Variants in NETO1 observed in about 807,000 individuals in gnomAD.
NETO1 encodes the protein neuropilin and tolloid like 1.
NETO1 carries 26 observed loss-of-function variants against 61.3 expected under a neutral mutation model. The observed-to-expected ratio is 0.42, with a 90% CI of 0.31 to 0.59. The LOEUF is 0.59. Ranked by LOEUF, NETO1 falls within the 20% of genes least tolerant of loss-of-function variation. NETO1 has a pLI of 0.12. For missense variants in NETO1, 531 were observed against 662.8 expected, an observed-to-expected ratio of 0.80 and a Z score of 2.18; for synonymous variants, 225 against 225.8, an observed-to-expected ratio of 1.00 and a Z score of 0.03.
chr18:72,805,443 C>T lies in NETO1; in HGVS notation c.470-11039G>A, dbSNP rs190780918. ...TCTTATTTTCATTTAGTTAGATCCA[C>T]GAAAATAGCTAATACCATTGCAATA... On this transcript the variant is annotated intron_variant, in intron 4 of 10. Coordinates refer to ENST00000327305, the MANE Select transcript of NETO1 (RefSeq NM_138966.5). 4.6e-5 allele frequency among the ~76,000 whole-genome samples: 7 copies of T among 152,170 alleles called. No individual in the cohort carries two copies. In the East Asian group the frequency reaches 1.3e-3, roughly 29 times the overall value.
chr18:72,851,776 T>C (rs2074258337), intron 4 of NETO1, among the ~76,000 whole-genome samples: 1 of 152,200 alleles, frequency 6.6e-6, no homozygotes, highest in African/African-American at 2.4e-5. Context: ...TATAGTATTA[T>C]CCCTTAATTA....
At chr18:72,772,793 T>TCTCTCTC (rs1391807702) in intron 7 of NETO1, among the ~76,000 whole-genome samples, 667 of 58,696 alleles carry the variant, frequency 0.011, 103 homozygotes, top group East Asian at 0.02. Flanking sequence ...CTCTATATAG[T>TCTCTCTC]TCTCTCTCTC....
rs927186810 is a variant in NETO1 at position 72,834,778 on chromosome 18, G to A, written c.469+24048C>T. On this transcript the variant is annotated intron_variant, in intron 4 of 10. Coordinates refer to ENST00000327305, the MANE Select transcript of NETO1 (RefSeq NM_138966.5). Reference sequence around the variant, plus strand: ...AAATACATGTTAATTCCCAGTCCATGGCGATAAGAAACTAAAGCAAAACTC... The same window carrying A: ...AAATACATGTTAATTCCCAGTCCATAGCGATAAGAAACTAAAGCAAAACTC... 39 of 984,646 alleles carry A rather than the reference G, an allele frequency of 4.0e-5. No homozygotes were observed. The African/African-American group carries it at 5.6e-4, about 14-fold the overall frequency. The allele number at this position is 984,646 out of a possible 1,614,324, so 61.0% of individuals were successfully genotyped here.
At chr18:72,788,541 G>A (rs761870722) in intron 6 of NETO1, among the ~76,000 whole-genome samples, 3 of 151,774 alleles carry the variant, frequency 2.0e-5, no homozygotes, top group Non-Finnish European at 4.4e-5. Context: ...ACTACAGAAA[G>A]CTCTTTAGTC....
intron 8 of NETO1, among the ~76,000 whole-genome samples, chr18:72,755,037 G>GA (rs2070741334): frequency 6.6e-6 from 1 of 152,018 alleles, no homozygotes; most frequent in Non-Finnish European, 1.5e-5. Flanking sequence ...TTTTCTTTCT[G>GA]AAAAAAATAA....
At chr18:72,769,694 T>C (rs1467364928) in intron 7 of NETO1, among the ~76,000 whole-genome samples, 2 of 152,184 alleles carry the variant, frequency 1.3e-5, no homozygotes, top group East Asian at 3.8e-4. Context: ...ATAGATGACA[T>C]GTATTAAATG....
chr18:72,854,956 C>T (rs1417600118), intron 4 of NETO1, among the ~76,000 whole-genome samples: 1 of 152,070 alleles, frequency 6.6e-6, no homozygotes, highest in African/African-American at 2.4e-5. Context: ...TTTTAAATTG[C>T]TTTTATCACA....
At chr18:72,858,801 A>AT (rs545653234) in intron 4 of NETO1, 25 bp downstream of exon 4, 1,000 of 1,492,994 alleles carry the variant, frequency 6.7e-4, no homozygotes, top group South Asian at 9.1e-4. Context: ...AGAAAAAGAA[A>AT]TTTTTTTTTT....
intron 4 of NETO1, among the ~76,000 whole-genome samples, chr18:72,854,531 A>G (rs1463432547): frequency 6.6e-6 from 1 of 152,226 alleles, no homozygotes; most frequent in Non-Finnish European, 1.5e-5. Context: ...CTTCTCCAGG[A>G]GCAGAGCATC....
intron 4 of NETO1, among the ~76,000 whole-genome samples, chr18:72,814,865 A>C (rs904550322): frequency 1.3e-5 from 2 of 152,088 alleles, no homozygotes; most frequent in African/African-American, 4.8e-5. Flanking sequence ...TCATTGCATC[A>C]ATGAAATATT....
chr18:72,819,507 C>T (rs1202522495), intron 4 of NETO1, among the ~76,000 whole-genome samples: 1 of 152,146 alleles, frequency 6.6e-6, no homozygotes, highest in Non-Finnish European at 1.5e-5. Flanking sequence ...TCATAACATT[C>T]CTAAGCTTTG....
At chr18:72,862,254 C>T (rs1319644989) in intron 3 of NETO1, among the ~76,000 whole-genome samples, 1 of 152,164 alleles carries the variant, frequency 6.6e-6, no homozygotes, top group Non-Finnish European at 1.5e-5. Flanking sequence ...TGGGGAAAGG[C>T]CCAGGCACCT....
intron 4 of NETO1, among the ~76,000 whole-genome samples, chr18:72,828,624 C>A (rs2073471885): frequency 6.6e-6 from 1 of 152,114 alleles, no homozygotes; most frequent in African/African-American, 2.4e-5. Flanking sequence ...AGTCACTGAT[C>A]TAGAAGGTAT....
chr18:72,766,579 A>G (rs2071169491), intron 7 of NETO1, among the ~76,000 whole-genome samples: 1 of 152,130 alleles, frequency 6.6e-6, no homozygotes, highest in African/African-American at 2.4e-5. Context: ...TATGACTTTT[A>G]CTTTGAAAAT....
intron 9 of NETO1, among the ~76,000 whole-genome samples, chr18:72,749,576 TC>T (rs1249479018): frequency 6.6e-6 from 1 of 152,082 alleles, no homozygotes; most frequent in Non-Finnish European, 1.5e-5. Context: ...ATTTTTGTGT[TC>T]CTACCAAAAA....
chr18:72,763,615 C>G (rs1019522546), intron 7 of NETO1, among the ~76,000 whole-genome samples: 5 of 151,198 alleles, frequency 3.3e-5, no homozygotes, highest in Admixed American at 6.6e-5. Context: ...ACACACCATT[C>G]ACACACACAC....
At chr18:72,824,074 G>A (rs557662152) in intron 4 of NETO1, among the ~76,000 whole-genome samples, 127 of 152,334 alleles carry the variant, frequency 8.3e-4, no homozygotes, top group African/African-American at 2.9e-3. Flanking sequence ...TTGTACAACT[G>A]CATGTCTGTG....
rs1217269669 is a variant in NETO1, at chr18:72,747,589, T to C, written c.*590A>G. The C allele has an allele frequency of 6.6e-6, 1 of 152,120 alleles. No homozygotes were observed. Among genetic ancestry groups the C allele is most frequent in the Admixed American group, 6.6e-5 (1 of 15,262 alleles). 9.4% of individuals were successfully genotyped at this position (152,120 alleles called of 1,614,324 possible). On this transcript the variant is annotated 3_prime_UTR_variant, in exon 11 of 11. Coordinates refer to ENST00000327305, the MANE Select transcript of NETO1 (RefSeq NM_138966.5). The stretch of plus-strand genomic sequence containing the variant: ...AAAAATGAATTTTTTTATTGCAATC[T>C]AGTAATTTTACTTGTTACTTTTTCC...
chr18:72,787,986 G>A (rs141621834), intron 6 of NETO1, among the ~76,000 whole-genome samples: 1,658 of 152,130 alleles, frequency 0.011, 32 homozygotes, highest in African/African-American at 0.038. Flanking sequence ...GAAAATAAAC[G>A]TGTCCCTCAA....
Sources: allele counts gnomAD v4.1 joint callset (sites outside exome capture counted in the v4.1 genomes callset), GRCh38; gene constraint gnomAD v4.1.1; transcripts MANE v1.5; gene names NCBI Gene and HGNC (gene_info 2026-07-23, HGNC 2026-07-21).